Variants in KCNH5 observed in about 807,000 individuals in gnomAD.
KCNH5 encodes the protein potassium voltage-gated channel subfamily H member 5.
In KCNH5, 46 loss-of-function variants were observed where a neutral mutation model predicts 96.1. The observed-to-expected ratio is 0.48, with a 90% confidence interval of 0.38 to 0.61. The LOEUF (loss-of-function observed/expected upper bound fraction) is 0.61. Ranked by LOEUF, KCNH5 falls within the 20% of genes least tolerant of loss-of-function variation. KCNH5 has a pLI of 0.00. For synonymous variants in KCNH5, 439 were observed against 449.8 expected (o/e 0.98, Z 0.30); for missense variants, 907 against 1,225.8 (o/e 0.74, Z 3.88).
rs1884460917 is a variant in KCNH5 at position 62,707,597 on chromosome 14, G to A, written c.2878C>T (p.Gln960Ter). ...ASSPKSQMPL[Q>*]VPPQIPCQDI... Reference sequence around the variant, plus strand: ...TGACATGGTATCTGGGGGGGTACTTGGAGTGGCATTTGGGATTTGGGAGAT... The same window carrying A: ...TGACATGGTATCTGGGGGGGTACTTAGAGTGGCATTTGGGATTTGGGAGAT... Residue 960 changes from glutamine to a stop codon, truncating the protein, a stop_gained, in exon 11 of 11, where the codon CAA becomes TAA. Coordinates refer to ENST00000322893, the MANE Select transcript of KCNH5 (RefSeq NM_139318.5). LOFTEE classifies it high-confidence loss of function. 3.9e-6 allele frequency: 6 copies of A among 1,537,412 alleles called. No individual in the cohort carries two copies. The highest frequency in any genetic ancestry group is 3.9e-5 in the Admixed American group (2 of 50,904).
rs184470153 is a variant in KCNH5, at chr14:62,782,306, T to C, written c.1823-2382A>G. ...TTCAAGCTTAAGAGGCACTTCAGGG[T>C]ACAAAGAGAAAACATGCACATGACT... On this transcript the variant is annotated intron_variant, in intron 9 of 10. Transcript: ENST00000322893. Among the ~76,000 whole-genome samples, 6 of 152,204 alleles carry C rather than the reference T, an allele frequency of 3.9e-5. No individual in the cohort carries two copies. The East Asian group carries it at 1.2e-3, about 29-fold the overall frequency.
chr14:62,992,243 G>C (rs1890823173), intron 4 of KCNH5, among the ~76,000 whole-genome samples: 1 of 151,978 alleles, frequency 6.6e-6, no homozygotes, highest in South Asian at 2.1e-4. Context: ...TGGATAATTA[G>C]ATTGATTCTA....
At chr14:62,961,910 G>C (rs1442957065) in intron 6 of KCNH5, among the ~76,000 whole-genome samples, 3,349 of 150,576 alleles carry the variant, frequency 0.022, 66 homozygotes, top group African/African-American at 0.06. Flanking sequence ...GATGCAGATG[G>C]AGATGGAGAT....
At chr14:62,758,297 A>G (rs935443855) in intron 10 of KCNH5, among the ~76,000 whole-genome samples, 5 of 152,060 alleles carry the variant, frequency 3.3e-5, no homozygotes, top group African/African-American at 4.8e-5. Flanking sequence ...ATGCTTGAGG[A>G]GATAGATACC....
chr14:62,804,878 T>C (rs1383715561), intron 8 of KCNH5, among the ~76,000 whole-genome samples: 1 of 152,202 alleles, frequency 6.6e-6, no homozygotes, highest in South Asian at 2.1e-4. Context: ...CTACAGAGTT[T>C]ATTGTTGCTT....
chr14:62,759,579 T>TTTTTTTTTTTTTTTTTTTTTTTTTTTTTG (rs1885702024), intron 10 of KCNH5, among the ~76,000 whole-genome samples: 1 of 93,606 alleles, frequency 1.1e-5, no homozygotes, highest in Non-Finnish European at 2.7e-5. Flanking sequence ...GTATATTTTT[T>TTTTTTTTTTTTTTTTTTTTTTTTTTTTTG]AATAATTACA....
intron 1 of KCNH5, among the ~76,000 whole-genome samples, chr14:63,035,272 T>C (rs568374743): frequency 6.6e-6 from 1 of 152,342 alleles, no homozygotes; most frequent in African/African-American, 2.4e-5. Flanking sequence ...TACCCTTTAA[T>C]GGCAATTAAA....
At position 62,699,525 on chromosome 14, in the gene KCNH5, G is replaced by GA. The variant is rs1293581293; in HGVS notation, c.*7982dup. 2 of 152,066 alleles carry GA rather than the reference G, an allele frequency of 1.3e-5. No homozygotes were observed. The highest frequency in any genetic ancestry group is 6.5e-5 in the Admixed American group (1 of 15,268). 9.4% of individuals were successfully genotyped at this position (152,066 alleles called of 1,614,324 possible). On this transcript the variant is annotated 3_prime_UTR_variant, in exon 11 of 11. Coordinates refer to ENST00000322893, the MANE Select transcript of KCNH5 (RefSeq NM_139318.5). The stretch of plus-strand genomic sequence containing the variant: ...AAATATCCACATTTAAATAAAGTGT[G>GA]AAAAAAAGCAAAGTTAGTCCTCCCT...
rs111540440 is a variant in KCNH5 at position 62,765,323 on chromosome 14, C to T, written c.2019+14405G>A. 5.5e-3 allele frequency among the ~76,000 whole-genome samples: 837 copies of T among 152,248 alleles called. 6 individuals carry two copies. Among genetic ancestry groups the T allele is most frequent in the African/African-American group, 0.019 (807 of 41,542 alleles). On this transcript the variant is annotated intron_variant, in intron 10 of 10. Transcript: ENST00000322893. The stretch of plus-strand genomic sequence containing the variant: ...GCTAAGATAACTCGCTAGCCATATG[C>T]AGAAGACTAAAACTTGACCCTCGCC...
chr14:63,001,272 T>G, intron 4 of KCNH5, 59 bp downstream of exon 4: 1 of 1,486,160 alleles, frequency 6.7e-7, no homozygotes, highest in Non-Finnish European at 9.1e-7. Context: ...GGTAAAACAG[T>G]AAGAAGATCT....
At chr14:62,783,375 G>A (rs1180049863) in intron 9 of KCNH5, among the ~76,000 whole-genome samples, 1 of 152,092 alleles carries the variant, frequency 6.6e-6, no homozygotes, top group Admixed American at 6.5e-5. Context: ...ACCAAAAAAA[G>A]CCAAGCTTTT....
chr14:62,700,114 TA>T lies in KCNH5; in HGVS notation c.*7393del, dbSNP rs1566631316. ...TGTTATAGTAGAATTTACATTGTAG[TA>T]TACAAAATGCCACAACTAGTGTAAA... On this transcript the variant is annotated 3_prime_UTR_variant, in exon 11 of 11. Transcript: ENST00000322893. 6.6e-6 allele frequency: 1 copy of T among 152,210 alleles called. No homozygotes were observed. The highest frequency in any genetic ancestry group is 1.5e-5 in the Non-Finnish European group (1 of 68,024). 9.4% of individuals were successfully genotyped at this position (152,210 alleles called of 1,614,324 possible).
intron 10 of KCNH5, among the ~76,000 whole-genome samples, chr14:62,724,180 G>C (rs536150062): frequency 6.6e-6 from 1 of 152,238 alleles, no homozygotes; most frequent in Non-Finnish European, 1.5e-5. Context: ...CTGGTTATTA[G>C]TACCACCCCC....
intron 8 of KCNH5, among the ~76,000 whole-genome samples, chr14:62,819,454 G>T (rs1254114234): frequency 6.6e-6 from 1 of 152,154 alleles, no homozygotes; most frequent in Non-Finnish European, 1.5e-5. Context: ...TGTCAGGGGT[G>T]CAGGGGAGGT....
intron 10 of KCNH5, among the ~76,000 whole-genome samples, chr14:62,714,621 G>C (rs564428032): frequency 6.6e-6 from 1 of 152,110 alleles, no homozygotes; most frequent in Non-Finnish European, 1.5e-5. Flanking sequence ...TTTTTCTCTA[G>C]AAAACAAGCA....
chr14:62,789,540 C>T (rs1886388907), intron 9 of KCNH5, among the ~76,000 whole-genome samples: 1 of 151,920 alleles, frequency 6.6e-6, no homozygotes, highest in Non-Finnish European at 1.5e-5. Flanking sequence ...AACTACACTC[C>T]CACCAACGGT....
intron 2 of KCNH5, among the ~76,000 whole-genome samples, chr14:63,015,931 A>ATATATATG (rs1891319132): frequency 6.6e-6 from 1 of 151,500 alleles, no homozygotes; most frequent in South Asian, 2.1e-4. Context: ...ATATATACAT[A>ATATATATG]TATATATGTA....
intron 3 of KCNH5, among the ~76,000 whole-genome samples, chr14:63,003,450 T>TTA (rs1246382741): frequency 1.2e-4 from 16 of 134,372 alleles, no homozygotes; most frequent in East Asian, 1.0e-3. Context: ...TATATATATA[T>TTA]TATATATATA....
At chr14:62,790,692 T>C (rs1886415821) in intron 9 of KCNH5, among the ~76,000 whole-genome samples, 1 of 151,716 alleles carries the variant, frequency 6.6e-6, no homozygotes, top group African/African-American at 2.4e-5. Context: ...TACAGATATT[T>C]TACCTTTTTG....
Sources: allele counts gnomAD v4.1 joint callset (sites outside exome capture counted in the v4.1 genomes callset), GRCh38; gene constraint gnomAD v4.1.1; transcripts MANE v1.5; gene names NCBI Gene and HGNC (gene_info 2026-07-23, HGNC 2026-07-21).